BRINP2: variants seen among roughly 807,000 people sequenced by gnomAD.
BRINP2 encodes the protein BMP/retinoic acid inducible neural specific 2, also known as BMP/retinoic acid-inducible neural-specific protein 2.
In BRINP2, 21 loss-of-function variants were observed where a neutral mutation model predicts 69.2. The observed-to-expected ratio is 0.30, with a 90% CI of 0.22 to 0.44. BRINP2 has a LOEUF of 0.44. Among genes scored for constraint, BRINP2 ranks in the 20% least tolerant of loss-of-function variants. The probability of loss-of-function intolerance (pLI) is 1.00; values close to 1 mark genes in which losing one functional copy is unlikely to be tolerated. For missense variants in BRINP2, 877 were observed against 986.0 expected, an observed-to-expected ratio of 0.89 and a Z score of 1.48; for synonymous variants, 380 against 394.1, an observed-to-expected ratio of 0.96 and a Z score of 0.42.
At position 177,257,349 on chromosome 1, in the gene BRINP2, C is replaced by G. The variant is rs1392869946; in HGVS notation, c.634C>G (p.Leu212Val). The change falls in exon 4 of 8, where the codon CTG (leucine) becomes GTG (valine). Residue 212 changes from leucine to valine, a missense_variant. Coordinates refer to ENST00000361539, the MANE Select transcript of BRINP2 (RefSeq NM_021165.4). Reference protein sequence around the residue: ...FIDRESTLRRLHHIQIATGAI... With the variant: ...FIDRESTLRRVHHIQIATGAI... ...CGACAGAGAGAGCACGCTGCGACGGCTGCACCATATCCAGATAGCCACGGG... is the reference window on the plus strand; with the variant it reads ...CGACAGAGAGAGCACGCTGCGACGGGTGCACCATATCCAGATAGCCACGGG... The G allele has an allele frequency of 2.5e-6, 4 of 1,613,544 alleles. No homozygotes were observed. The highest frequency in any genetic ancestry group is 3.4e-6 in the Non-Finnish European group (4 of 1,179,646).
intron 4 of BRINP2, among the ~76,000 whole-genome samples, chr1:177,259,597 C>A (rs1650879978): frequency 6.6e-6 from 1 of 152,184 alleles, no homozygotes; most frequent in African/African-American, 2.4e-5. Context: ...AAAGGACAAG[C>A]TGACTTTCTT....
chr1:177,199,650 C>A (rs1004455990), intron 1 of BRINP2, among the ~76,000 whole-genome samples: 2 of 152,136 alleles, frequency 1.3e-5, no homozygotes, highest in African/African-American at 4.8e-5. Context: ...AAAAGAACTT[C>A]TCAGCATTCT....
intron 2 of BRINP2, among the ~76,000 whole-genome samples, chr1:177,254,840 A>G (rs1650702513): frequency 6.6e-6 from 1 of 152,234 alleles, no homozygotes. Context: ...CCTAATATTT[A>G]AAGACGTTGA....
chr1:177,250,787 G>A lies in BRINP2; in HGVS notation c.270-5132G>A, dbSNP rs72720781. On this transcript the variant is annotated intron_variant, in intron 2 of 7. Coordinates refer to ENST00000361539, the MANE Select transcript of BRINP2 (RefSeq NM_021165.4). The stretch of plus-strand genomic sequence containing the variant: ...CCTCAGAGTTTCACAGGTGGAGGTA[G>A]TATAGCCTAGTGGCAAAGGCTGTGT... 3.8e-3 allele frequency among the ~76,000 whole-genome samples: 578 copies of A among 152,340 alleles called. 6 individuals are homozygous for A. The highest frequency in any genetic ancestry group is 0.01 in the Middle Eastern group (3 of 294).
intron 1 of BRINP2, among the ~76,000 whole-genome samples, chr1:177,223,834 C>CT (rs1649614622): frequency 1.3e-5 from 2 of 151,266 alleles, no homozygotes; most frequent in African/African-American, 2.5e-5. Context: ...CATGCCAGTC[C>CT]TGAGGGTGAC....
intron 4 of BRINP2, among the ~76,000 whole-genome samples, chr1:177,262,684 G>T (rs1283649346): frequency 6.6e-6 from 1 of 152,176 alleles, no homozygotes; most frequent in African/African-American, 2.4e-5. Context: ...TTAGTTGCAT[G>T]GTGAGATAGT....
In BRINP2 at chr1:177,280,740, G is replaced by A. The variant is rs762582867; in HGVS notation, c.1564G>A (p.Asp522Asn). 2 of 1,614,238 alleles carry A rather than the reference G, an allele frequency of 1.2e-6. No individual in the cohort carries two copies. The highest frequency in any genetic ancestry group is 2.2e-5 in the South Asian group (2 of 91,086). ...LELKYLLQKQ[D>N]SRIEVHSIFI... ...GCTAAAGTACCTGCTGCAGAAGCAGGATAGCCGCATTGAGGTACACTCCAT... is the reference window on the plus strand; with the variant it reads ...GCTAAAGTACCTGCTGCAGAAGCAGAATAGCCGCATTGAGGTACACTCCAT... The change falls in exon 8 of 8, where the codon GAT becomes AAT. Residue 522 changes from aspartate (D) to asparagine (N), a missense_variant. Around this residue, in one of 3 missense-constraint regions of BRINP2, gnomAD observed 86 missense variants for 142.1 expected, o/e 0.61. Transcript: ENST00000361539.
chr1:177,190,249 C>T (rs1648549430), intron 1 of BRINP2, among the ~76,000 whole-genome samples: 1 of 152,178 alleles, frequency 6.6e-6, no homozygotes, highest in African/African-American at 2.4e-5. Context: ...TGGAGAGGAA[C>T]TTGCTCCTCT....
intron 7 of BRINP2, 33 bp downstream of exon 7, chr1:177,278,818 C>T (rs1651596789): frequency 6.2e-7 from 1 of 1,602,250 alleles, no homozygotes; most frequent in Non-Finnish European, 8.5e-7. Context: ...AGCCAGAGCT[C>T]AGCACCTCCC....
intron 5 of BRINP2, 50 bp from the exon 6 acceptor site, chr1:177,276,146 CTG>C: frequency 2.6e-6 from 4 of 1,533,580 alleles, no homozygotes; most frequent in Non-Finnish European, 2.7e-6. Context: ...GCATGGGAAA[CTG>C]AGTCCTCACT....
rs138641354 is a variant in BRINP2, at chr1:177,237,952, T to C, written c.269+7807T>C. ...AATATTTTTTTCTTTATTCAGCTTC[T>C]GCCACATTTCTCTCACCCCAGAGCT... On this transcript the variant is annotated intron_variant, in intron 2 of 7. Transcript: ENST00000361539. Among the ~76,000 whole-genome samples the C allele has an allele frequency of 5.1e-3, 778 of 152,302 alleles. 6 individuals carry two copies. Among genetic ancestry groups the C allele is most frequent in the African/African-American group, 0.018 (753 of 41,570 alleles).
chr1:177,281,493 C>A lies in BRINP2; in HGVS notation c.2317C>A (p.Pro773Thr). The change falls in exon 8 of 8, where the codon CCT becomes ACT. Residue 773 changes from proline (P) to threonine (T), a missense_variant. Transcript: ENST00000361539. ...GGCTTTCAATTCTAAGCTGCCAAAC[C>A]CTGTGGAATATGAGACCGGCAAACT... The part of the protein sequence containing the change: ...LRAFNSKLPN[P>T]VEYETGKLCS 1 of 1,610,944 alleles carries A rather than the reference C, an allele frequency of 6.2e-7. No homozygotes were observed. Among genetic ancestry groups the A allele is most frequent in the Non-Finnish European group, 8.5e-7 (1 of 1,179,636 alleles).
chr1:177,174,678 G>A (rs1393625436), intron 1 of BRINP2, among the ~76,000 whole-genome samples: 6 of 152,228 alleles, frequency 3.9e-5, no homozygotes, highest in African/African-American at 9.7e-5. Context: ...CTGCAGCACT[G>A]TTGGGAAGTT....
Position 177,171,144 on chromosome 1 carries a change from GGTCAGTGGCAGGT to G in BRINP2, c.-664_-652del, listed in dbSNP as rs1647915655. Among the ~76,000 whole-genome samples the G allele has an allele frequency of 6.6e-6, 1 of 152,232 alleles. No individual in the cohort carries two copies. Among genetic ancestry groups the G allele is most frequent in the Non-Finnish European group, 1.5e-5 (1 of 68,042 alleles). On this transcript the variant is annotated 5_prime_UTR_variant, in exon 1 of 8. An upstream open reading frame in the 5' UTR loses its in-frame stop. Transcript: ENST00000361539. ...GATGTGCACCTGCCGTGCGCTCCGAGGTCAGTGGCAGGTCTGCAGGCAGCCGAGGGAGCGGTGA... is the reference window on the plus strand; with the variant it reads ...GATGTGCACCTGCCGTGCGCTCCGAGCTGCAGGCAGCCGAGGGAGCGGTGA...
chr1:177,201,999 T>C (rs1648928082), intron 1 of BRINP2, among the ~76,000 whole-genome samples: 1 of 152,236 alleles, frequency 6.6e-6, no homozygotes, highest in African/African-American at 2.4e-5. Context: ...GAGGTGCTCA[T>C]AGTATTCTCT....
At chr1:177,271,097 G>A (rs1407351098) in intron 4 of BRINP2, among the ~76,000 whole-genome samples, 1 of 152,194 alleles carries the variant, frequency 6.6e-6, no homozygotes, top group African/African-American at 2.4e-5. Flanking sequence ...TACTGGCCAT[G>A]ACTATGTCTT....
At chr1:177,280,319 C>G (rs906108217) in intron 7 of BRINP2, 93 bp from the exon 8 acceptor site, 1 of 1,274,344 alleles carries the variant, frequency 7.8e-7, no homozygotes, top group African/African-American at 1.5e-5. Context: ...CATTGCCTTC[C>G]ACGCCTAGTG....
intron 4 of BRINP2, 48 bp from the exon 5 acceptor site, chr1:177,273,440 A>G: frequency 7.9e-7 from 1 of 1,267,262 alleles, no homozygotes; most frequent in South Asian, 1.3e-5. Context: ...GTATAAAGGG[A>G]GTCTCCACTT....
chr1:177,271,155 A>T (rs1651313935), intron 4 of BRINP2, among the ~76,000 whole-genome samples: 1 of 152,268 alleles, frequency 6.6e-6, no homozygotes, highest in Admixed American at 6.5e-5. Flanking sequence ...TTAAATGAGC[A>T]AATGAGTAAA....
Sources: allele counts gnomAD v4.1 joint callset (sites outside exome capture counted in the v4.1 genomes callset), GRCh38; gene constraint gnomAD v4.1.1; regional missense constraint gnomAD v4.1.1; transcripts MANE v1.5; gene names NCBI Gene and HGNC (gene_info 2026-07-23, HGNC 2026-07-21).